CDH13: variants seen among roughly 807,000 people sequenced by gnomAD.
CDH13 encodes cadherin 13, also known as cadherin-13.
Under a neutral mutation model 63.8 loss-of-function variants are expected in CDH13, and 24 were observed. The observed-to-expected ratio is 0.38, with a 90% CI of 0.27 to 0.53. The LOEUF (loss-of-function observed/expected upper bound fraction) is 0.53, where lower values mean the gene tolerates loss of function less well. Among genes scored for constraint, CDH13 ranks in the 20% least tolerant of loss-of-function variants. The probability of loss-of-function intolerance (pLI) is 0.85; values close to 1 mark genes in which losing one functional copy is unlikely to be tolerated. For missense variants in CDH13, 1,049 were observed against 903.1 expected (o/e 1.16, Z -2.07); for synonymous variants, 503 against 355.3 (o/e 1.42, Z -4.67).
intron 10 of CDH13, among the ~76,000 whole-genome samples, chr16:83,686,879 G>A (rs1207599381): frequency 6.6e-6 from 1 of 152,146 alleles, no homozygotes; most frequent in Non-Finnish European, 1.5e-5. Context: ...CAGCTGGGTT[G>A]GGGGTGACTG....
intron 3 of CDH13, among the ~76,000 whole-genome samples, chr16:83,046,626 T>G (rs1486210302): frequency 1.3e-5 from 2 of 152,200 alleles, no homozygotes; most frequent in Non-Finnish European, 2.9e-5. Flanking sequence ...TGGGAAGGCC[T>G]TTAACAGAGC....
intron 5 of CDH13, among the ~76,000 whole-genome samples, chr16:83,335,815 C>T (rs1432961956): frequency 6.6e-6 from 1 of 152,108 alleles, no homozygotes; most frequent in East Asian, 1.9e-4. Context: ...GATCACGACC[C>T]TCTCACGTGC....
chr16:83,716,140 C>A (rs542333405), intron 10 of CDH13, among the ~76,000 whole-genome samples: 10 of 152,244 alleles, frequency 6.6e-5, no homozygotes, highest in African/African-American at 2.4e-4. Context: ...AGGTTCACAG[C>A]AAAATTGAGC....
chr16:82,656,785 A>G (rs1227549754), intron 1 of CDH13, among the ~76,000 whole-genome samples: 1 of 152,094 alleles, frequency 6.6e-6, no homozygotes. Flanking sequence ...TCTTTCTTCT[A>G]TTTCCATAGC....
chr16:83,263,146 G>A (rs1597616655), intron 5 of CDH13, among the ~76,000 whole-genome samples: 1 of 152,206 alleles, frequency 6.6e-6, no homozygotes, highest in South Asian at 2.1e-4. Flanking sequence ...AGAAAAACAG[G>A]AGTCGAGCTC....
chr16:83,651,934 C>T (rs1249274346), intron 8 of CDH13, among the ~76,000 whole-genome samples: 1 of 152,126 alleles, frequency 6.6e-6, no homozygotes, highest in Admixed American at 6.5e-5. Flanking sequence ...CACTGGAGTG[C>T]GTCTCTCCTC....
At chr16:83,669,168 A>C (rs1914275923) in intron 8 of CDH13, among the ~76,000 whole-genome samples, 1 of 152,208 alleles carries the variant, frequency 6.6e-6, no homozygotes, top group African/African-American at 2.4e-5. Flanking sequence ...TGCTTGTCCC[A>C]GAAGACCAGA....
At chr16:83,406,092 G>C (rs929898639) in intron 6 of CDH13, among the ~76,000 whole-genome samples, 4 of 152,152 alleles carry the variant, frequency 2.6e-5, no homozygotes, top group African/African-American at 9.7e-5. Flanking sequence ...AATCAAGGAA[G>C]CTAATGTCCT....
chr16:83,490,348 T>C (rs2151569343), intron 7 of CDH13, among the ~76,000 whole-genome samples: 1 of 152,236 alleles, frequency 6.6e-6, no homozygotes, highest in African/African-American at 2.4e-5. Context: ...TTCCCTGCCT[T>C]TTATAGATTC....
chr16:82,842,158 A>G (rs1567590633), intron 1 of CDH13, among the ~76,000 whole-genome samples: 2 of 46,038 alleles, frequency 4.3e-5, no homozygotes, highest in South Asian at 2.1e-3. Context: ...ATATATATAT[A>G]TATATACACA....
rs532394655 is a variant in CDH13, at chr16:82,728,629, C to G, written c.45+101492C>G. Among the ~76,000 whole-genome samples the G allele has an allele frequency of 4.6e-5, 7 of 152,224 alleles. No homozygotes were observed. The South Asian group carries it at 1.2e-3, about 27-fold the overall frequency. ...CATAATCTTTTTGCTGATTGAGGGT[C>G]TTGCCTTGATGTGACATTGATGGTT... On this transcript the variant is annotated intron_variant, in intron 1 of 13. Coordinates refer to ENST00000567109, the MANE Select transcript of CDH13 (RefSeq NM_001257.5).
intron 2 of CDH13, among the ~76,000 whole-genome samples, chr16:82,915,654 C>G (rs916981498): frequency 6.6e-6 from 1 of 151,948 alleles, no homozygotes; most frequent in East Asian, 1.9e-4. Flanking sequence ...GTGGTCTTAT[C>G]TACTGCCTGC....
At chr16:83,052,801 A>AAAAAAAAAAAAAAAGAAAGAAAG (rs1555571697) in intron 3 of CDH13, among the ~76,000 whole-genome samples, 1 of 122,674 alleles carries the variant, frequency 8.2e-6, no homozygotes, top group African/African-American at 3.3e-5. Flanking sequence ...AAAAAAAAAA[A>AAAAAAAAAAAAAAAGAAAGAAAG]AAAGAAAGAA....
intron 1 of CDH13, among the ~76,000 whole-genome samples, chr16:82,792,003 A>T (rs1463584759): frequency 6.6e-6 from 1 of 152,078 alleles, no homozygotes; most frequent in African/African-American, 2.4e-5. Context: ...TCAAGATGAG[A>T]TTTGGGTGGG....
At chr16:83,039,824 C>A (rs1341516254) in intron 3 of CDH13, among the ~76,000 whole-genome samples, 1 of 152,156 alleles carries the variant, frequency 6.6e-6, no homozygotes, top group African/African-American at 2.4e-5. Context: ...ACTGGCTACT[C>A]CTCTGTCTGG....
chr16:83,691,686 A>G (rs912434857), intron 10 of CDH13, among the ~76,000 whole-genome samples: 4 of 152,072 alleles, frequency 2.6e-5, no homozygotes, highest in African/African-American at 7.2e-5. Context: ...TCCTGAGTCT[A>G]TGCAGGCCCC....
intron 5 of CDH13, among the ~76,000 whole-genome samples, chr16:83,300,634 C>A (rs954960681): frequency 2.0e-5 from 3 of 152,194 alleles, no homozygotes; most frequent in Non-Finnish European, 1.5e-5. Context: ...TGTAGTTCTG[C>A]CCTCCCAGAA....
chr16:83,657,116 G>A (rs1344132756), intron 8 of CDH13, among the ~76,000 whole-genome samples: 2 of 152,182 alleles, frequency 1.3e-5, no homozygotes, highest in East Asian at 1.9e-4. Context: ...CATATGTAAT[G>A]GCAAAATGAA....
chr16:83,074,468 G>A (rs893132243), intron 3 of CDH13, among the ~76,000 whole-genome samples: 5 of 152,166 alleles, frequency 3.3e-5, no homozygotes, highest in African/African-American at 7.2e-5. Flanking sequence ...TAGGGTGCAT[G>A]TATCCCTTTG....
Sources: gnomAD v4.1 joint callset for allele counts (sites outside exome capture counted in the v4.1 genomes callset) on GRCh38, gnomAD v4.1.1 for gene constraint, MANE v1.5 for transcripts, NCBI Gene and HGNC (gene_info 2026-07-23, HGNC 2026-07-21) for gene names.